IL1RAPL2: variants seen among roughly 807,000 people sequenced by gnomAD.
IL1RAPL2 encodes X-linked interleukin-1 receptor accessory protein-like 2.
A neutral mutation model predicts 44.1 loss-of-function variants in IL1RAPL2; 3 were observed. The observed-to-expected ratio is 0.07, with a 90% CI of 0.03 to 0.18. The LOEUF (loss-of-function observed/expected upper bound fraction) is 0.18. Ranked by LOEUF, IL1RAPL2 falls within the 10% of genes least tolerant of loss-of-function variation. IL1RAPL2 has a pLI of 1.00. For missense variants in IL1RAPL2, 391 were observed against 496.4 expected, an observed-to-expected ratio of 0.79 and a Z score of 2.02; for synonymous variants, 181 against 178.8, an observed-to-expected ratio of 1.01 and a Z score of -0.10.
At chrX:104,690,523 C>T (rs1253136604) in intron 2 of IL1RAPL2, among the ~76,000 whole-genome samples, 1 of 112,461 alleles carries the variant, frequency 8.9e-6, no homozygotes, top group East Asian at 2.8e-4. Flanking sequence ...AGTGGTAATG[C>T]ATAGGTAATT....
intron 6 of IL1RAPL2, among the ~76,000 whole-genome samples, chrX:105,603,882 A>C (rs1396239951): frequency 8.9e-6 from 1 of 111,914 alleles, no homozygotes; most frequent in Non-Finnish European, 1.9e-5. Context: ...TGTATAAACA[A>C]ATAGAAATTA....
intron 5 of IL1RAPL2, among the ~76,000 whole-genome samples, chrX:105,338,945 C>CA (rs768068815): frequency 4.6e-5 from 5 of 109,782 alleles, no homozygotes; most frequent in South Asian, 3.9e-4. Flanking sequence ...TCTAAAAATA[C>CA]AAAAAAAATT....
chrX:105,110,939 A>C (rs943619175), intron 2 of IL1RAPL2, among the ~76,000 whole-genome samples: 2 of 111,927 alleles, frequency 1.8e-5, no homozygotes, highest in Admixed American at 1.9e-4. Context: ...TCCACCTCAA[A>C]AAAATAAGTA....
At chrX:104,771,483 TG>T (rs775991397) in intron 2 of IL1RAPL2, among the ~76,000 whole-genome samples, 23 of 112,491 alleles carry the variant, frequency 2.0e-4, no homozygotes, top group African/African-American at 7.1e-4. Context: ...TTAGATAAGG[TG>T]TGAGAGGTAT....
intron 1 of IL1RAPL2, among the ~76,000 whole-genome samples, chrX:104,600,513 T>C: frequency 9.0e-6 from 1 of 111,052 alleles, no homozygotes. Context: ...ATTGCTATTT[T>C]TAATTTTTTT....
At chrX:105,630,345 A>C (rs749331198) in intron 6 of IL1RAPL2, among the ~76,000 whole-genome samples, 1 of 111,680 alleles carries the variant, frequency 9.0e-6, no homozygotes, top group East Asian at 2.8e-4. Context: ...TACTTCAATT[A>C]TCACAACAAC....
rs1002014971 is a variant in IL1RAPL2, at chrX:105,021,256, G to T, written c.83-174219G>T. ...TCTTTCAGTAGGAGCATGGATATTA[G>T]TTCTAGGGTGCTGTGGCTCTAGGGC... On this transcript the variant is annotated intron_variant, in intron 2 of 10. Transcript: ENST00000372582. 3.0e-4 allele frequency among the ~76,000 whole-genome samples: 33 copies of T among 111,491 alleles called. 1 individual carries two copies. The highest frequency in any genetic ancestry group is 1.1e-3 in the African/African-American group (33 of 30,729).
At chrX:104,785,024 TG>T (rs1162810980) in intron 2 of IL1RAPL2, among the ~76,000 whole-genome samples, 1 of 111,146 alleles carries the variant, frequency 9.0e-6, no homozygotes, top group Non-Finnish European at 1.9e-5. Context: ...CTCTTTCTTT[TG>T]TTTTTTTGAA....
At chrX:105,627,395 A>G (rs452428) in intron 6 of IL1RAPL2, among the ~76,000 whole-genome samples, 51,176 of 110,367 alleles carry the variant, frequency 0.46, 9,916 homozygotes, top group African/African-American at 0.75. Context: ...AGGAACCACC[A>G]AAGAGAGAAG....
chrX:105,308,855 G>A (rs2034772557), intron 5 of IL1RAPL2, among the ~76,000 whole-genome samples: 1 of 111,323 alleles, frequency 9.0e-6, no homozygotes, highest in African/African-American at 3.3e-5. Context: ...AACTTAAACT[G>A]TCAAATATTT....
chrX:105,641,074 C>A (rs951156012), intron 6 of IL1RAPL2, among the ~76,000 whole-genome samples: 2 of 110,686 alleles, frequency 1.8e-5, no homozygotes, highest in East Asian at 5.7e-4. Flanking sequence ...TAAATACTTA[C>A]GATTGGAGGA....
chrX:105,211,767 A>G (rs963398270), intron 3 of IL1RAPL2, among the ~76,000 whole-genome samples: 1 of 110,328 alleles, frequency 9.1e-6, no homozygotes, highest in Admixed American at 9.6e-5. Flanking sequence ...CTGCATTTCT[A>G]ACTGAGGTCC....
intron 2 of IL1RAPL2, among the ~76,000 whole-genome samples, chrX:105,047,245 A>G (rs191596604): frequency 2.0e-4 from 22 of 111,459 alleles, no homozygotes; most frequent in African/African-American, 7.2e-4. Context: ...ACCATTAAAT[A>G]TTATTCCAAA....
chrX:104,743,530 A>C (rs746086270), intron 2 of IL1RAPL2, among the ~76,000 whole-genome samples: 1 of 110,619 alleles, frequency 9.0e-6, no homozygotes, highest in African/African-American at 3.3e-5. Context: ...AAAAACTTCA[A>C]ATGCTCTCTG....
chrX:104,792,406 G>A (rs1162942781), intron 2 of IL1RAPL2, among the ~76,000 whole-genome samples: 1 of 110,948 alleles, frequency 9.0e-6, no homozygotes, highest in African/African-American at 3.3e-5. Flanking sequence ...ATATACTCTG[G>A]GTGGAGATCG....
At chrX:104,585,285 T>A (rs1602631272) in intron 1 of IL1RAPL2, among the ~76,000 whole-genome samples, 1 of 17,490 alleles carries the variant, frequency 5.7e-5, no homozygotes, top group Non-Finnish European at 7.9e-5. Context: ...ATATATTATA[T>A]AATATATTAT....
At chrX:105,267,567 G>A (rs928324955) in intron 5 of IL1RAPL2, 26 bp downstream of exon 5, 9 of 1,115,783 alleles carry the variant, frequency 8.1e-6, no homozygotes, top group African/African-American at 7.4e-5. Flanking sequence ...ACAAAATTAC[G>A]GCAAATGAGA....
chrX:105,185,958 C>G (rs781968897), intron 2 of IL1RAPL2, among the ~76,000 whole-genome samples: 95 of 111,100 alleles, frequency 8.6e-4, no homozygotes, highest in African/African-American at 3.0e-3. Flanking sequence ...AAGCATGGAT[C>G]AAAAATATTA....
At chrX:104,908,223 A>G (rs770766695) in intron 2 of IL1RAPL2, among the ~76,000 whole-genome samples, 4 of 111,764 alleles carry the variant, frequency 3.6e-5, no homozygotes, top group African/African-American at 1.3e-4. Flanking sequence ...GGTTTCCTGA[A>G]TACAGCACAC....
Sources: gnomAD v4.1 joint callset for allele counts (sites outside exome capture counted in the v4.1 genomes callset) on GRCh38, gnomAD v4.1.1 for gene constraint, MANE v1.5 for transcripts, NCBI Gene and HGNC (gene_info 2026-07-23, HGNC 2026-07-21) for gene names.